Variants in CACNA1A observed in about 807,000 individuals in gnomAD.
CACNA1A encodes calcium voltage-gated channel subunit alpha1 A.
A neutral mutation model predicts 262.4 loss-of-function variants in CACNA1A; 57 were observed. The ratio of observed to expected loss-of-function variants is 0.22; its 90% CI spans 0.18 to 0.27. The LOEUF (loss-of-function observed/expected upper bound fraction) is 0.27, where lower values mean the gene tolerates loss of function less well. Ranked by LOEUF, CACNA1A falls within the 10% of genes least tolerant of loss-of-function variation. The pLI is 1.00. For synonymous variants in CACNA1A, 1,431 were observed against 1,419.3 expected (o/e 1.01, Z -0.18); for missense variants, 2,526 against 3,562.8 (o/e 0.71, Z 7.41).
chr19:13,319,751 A>G (rs983501497), intron 10 of CACNA1A, among the ~76,000 whole-genome samples: 14 of 152,228 alleles, frequency 9.2e-5, no homozygotes, highest in African/African-American at 3.4e-4. Context: ...TTTATGGAAC[A>G]TTTAGCAGGC....
At chr19:13,275,788 G>A in intron 24 of CACNA1A, 62 bp downstream of exon 24, 4 of 1,120,718 alleles carry the variant, frequency 3.6e-6, no homozygotes, top group Non-Finnish European at 5.4e-6. Context: ...GTAATCCGAT[G>A]TGTGGCCCAG....
At chr19:13,312,508 T>C in intron 12 of CACNA1A, 161 bp downstream of exon 12, 4 of 566,382 alleles carry the variant, frequency 7.1e-6, no homozygotes, top group Non-Finnish European at 1.2e-5. Flanking sequence ...GGGTACACTG[T>C]ATCCTTGCCA....
At chr19:13,314,622 T>G (rs1223986712) in intron 11 of CACNA1A, among the ~76,000 whole-genome samples, 2 of 152,166 alleles carry the variant, frequency 1.3e-5, no homozygotes, top group Non-Finnish European at 2.9e-5. Context: ...AATGCCTTGA[T>G]CTTGGGCTTC....
intron 3 of CACNA1A, among the ~76,000 whole-genome samples, chr19:13,404,973 T>C (rs925348006): frequency 1.4e-4 from 22 of 151,820 alleles, no homozygotes; most frequent in African/African-American, 4.8e-4. Context: ...CTCGGCTCAC[T>C]GCAACTTCCA....
chr19:13,361,621 G>A (rs1348985719), intron 5 of CACNA1A, among the ~76,000 whole-genome samples: 2 of 152,134 alleles, frequency 1.3e-5, no homozygotes, highest in Non-Finnish European at 2.9e-5. Flanking sequence ...CACAGCAGAG[G>A]GAAATAAACC....
At chr19:13,427,013 C>A (rs10420058) in intron 3 of CACNA1A, among the ~76,000 whole-genome samples, 1 of 152,158 alleles carries the variant, frequency 6.6e-6, no homozygotes, top group Non-Finnish European at 1.5e-5. Context: ...CAATGCCTAG[C>A]GGGGAAAAAT....
chr19:13,402,883 T>TACACACACACACAC (rs1568611167), intron 3 of CACNA1A, among the ~76,000 whole-genome samples: 3 of 77,960 alleles, frequency 3.8e-5, no homozygotes, highest in African/African-American at 2.3e-4. Flanking sequence ...CATATATATA[T>TACACACACACACAC]ATATATATAT....
At chr19:13,394,692 C>T (rs1481581155) in intron 3 of CACNA1A, among the ~76,000 whole-genome samples, 2 of 152,178 alleles carry the variant, frequency 1.3e-5, no homozygotes, top group African/African-American at 4.8e-5. Context: ...GAGGTGGGCG[C>T]CTATACCCAC....
chr19:13,312,876 A>G, intron 11 of CACNA1A, 95 bp from the exon 12 acceptor site: 1 of 595,018 alleles, frequency 1.7e-6, no homozygotes, highest in Non-Finnish European at 2.9e-6. Context: ...TCATTTTTAA[A>G]CTTTTTATTT....
intron 31 of CACNA1A, among the ~76,000 whole-genome samples, chr19:13,239,141 TC>T (rs1209053361): frequency 7.2e-5 from 11 of 152,128 alleles, no homozygotes; most frequent in East Asian, 3.9e-4. Flanking sequence ...CCCAGGCCCT[TC>T]CTGGTGCTTA....
intron 24 of CACNA1A, among the ~76,000 whole-genome samples, chr19:13,268,835 G>A (rs1342883669): frequency 1.3e-5 from 2 of 151,294 alleles, no homozygotes; most frequent in African/African-American, 4.9e-5. Context: ...TCTGACTTGG[G>A]GTTCTCAAAT....
intron 38 of CACNA1A, among the ~76,000 whole-genome samples, chr19:13,219,535 C>T (rs1021134802): frequency 5.9e-5 from 9 of 152,064 alleles, no homozygotes; most frequent in Non-Finnish European, 1.3e-4. Context: ...TTGTTAGACC[C>T]GTTGTACAAA....
chr19:13,361,504 A>T (rs2059111033), intron 5 of CACNA1A, among the ~76,000 whole-genome samples: 1 of 152,218 alleles, frequency 6.6e-6, no homozygotes, highest in Non-Finnish European at 1.5e-5. Flanking sequence ...ACAAGAAAAC[A>T]AACAGCTGAG....
chr19:13,309,623 T>G (rs2057976629), intron 12 of CACNA1A, among the ~76,000 whole-genome samples: 2 of 151,730 alleles, frequency 1.3e-5, no homozygotes, highest in South Asian at 4.2e-4. Flanking sequence ...AGCCTAGGAA[T>G]TTGAGACAGG....
intron 3 of CACNA1A, among the ~76,000 whole-genome samples, chr19:13,421,841 G>A (rs564404361): frequency 3.9e-5 from 6 of 152,268 alleles, no homozygotes; most frequent in Admixed American, 6.5e-5. Flanking sequence ...TAAAACAGGT[G>A]CTCTCTGGGC....
intron 31 of CACNA1A, chr19:13,244,129 C>T (rs1203375999): frequency 6.6e-6 from 1 of 152,274 alleles, no homozygotes; most frequent in Non-Finnish European, 1.5e-5. Flanking sequence ...GTGGCTTCTC[C>T]TGGCCTCCGG....
At position 13,255,067 on chromosome 19, in the gene CACNA1A, G is replaced by A. The variant is rs201448678; in HGVS notation, c.4755+28C>T. On this transcript the variant is annotated intron_variant, in intron 29 of 46. Transcript: ENST00000360228. Reference sequence around the variant, plus strand: ...GCAGGAACGAGGTGGGGGTTAAGTAGTGCTGGGGGCTGGTGTGGGGCACTT... The same window carrying A: ...GCAGGAACGAGGTGGGGGTTAAGTAATGCTGGGGGCTGGTGTGGGGCACTT... 5.0e-6 allele frequency: 8 copies of A among 1,612,298 alleles called. No individual in the cohort carries two copies. The Admixed American group carries it at 1.0e-4, about 20-fold the overall frequency.
Position 13,241,483 on chromosome 19 carries a change from T to A in CACNA1A, c.4950+3699A>T. ...CGCGAGGAGATGCGTTCACAGTTAA[T>A]GTAAGGCATTTAGACTTCAGAAAGA... On this transcript the variant is annotated intron_variant, in intron 31 of 46. Transcript: ENST00000360228. The surrounding 1 kb of genome is among the most constrained non-coding windows in gnomAD (Gnocchi z 4.0). 1 of 1,469,668 alleles carries A rather than the reference T, an allele frequency of 6.8e-7. No homozygotes were observed. The highest frequency in any genetic ancestry group is 1.4e-5 in the African/African-American group (1 of 71,416). 91.0% of individuals were successfully genotyped at this position (1,469,668 alleles called of 1,614,324 possible). A position where few individuals can be genotyped will look rare whatever the true frequency, so the allele number is the denominator to read the frequency against.
chr19:13,284,926 G>C, intron 21 of CACNA1A, 142 bp downstream of exon 21: 6 of 694,294 alleles, frequency 8.6e-6, no homozygotes, highest in Non-Finnish European at 9.7e-6. Flanking sequence ...CTTACGGAAG[G>C]AGCATCCATT....
Sources: gnomAD v4.1 joint callset for allele counts (sites outside exome capture counted in the v4.1 genomes callset) on GRCh38, gnomAD v4.1.1 for gene constraint, Gnocchi (gnomAD v3.1) non-coding constraint, MANE v1.5 for transcripts, NCBI Gene and HGNC (gene_info 2026-07-23, HGNC 2026-07-21) for gene names.